The following FAXC variants were observed in gnomAD, a reference collection of about 807,000 sequenced individuals.
The protein encoded by FAXC is failed axon connections homolog.
In FAXC, 10 loss-of-function variants were observed where a neutral mutation model predicts 41.9. That is an observed-to-expected ratio of 0.24 (90% confidence interval 0.15 to 0.41). The LOEUF (loss-of-function observed/expected upper bound fraction) is 0.41. Ranked by LOEUF, FAXC falls within the 10% of genes least tolerant of loss-of-function variation. The pLI is 1.00. For missense variants in FAXC, 399 were observed against 510.9 expected, an observed-to-expected ratio of 0.78 and a Z score of 2.11; for synonymous variants, 183 against 183.8, an observed-to-expected ratio of 1.00 and a Z score of 0.03.
rs1773730570 is a variant in FAXC at position 99,349,593 on chromosome 6, C to T, written c.-221G>A. On this transcript the variant is annotated 5_prime_UTR_variant, in exon 1 of 6. Transcript: ENST00000389677. ...GGGCCTGGCCGGCGGGGCCCCAGAGCCCTGGGCGGCAGCAGCGGCCGCCGG... is the reference window on the plus strand; with the variant it reads ...GGGCCTGGCCGGCGGGGCCCCAGAGTCCTGGGCGGCAGCAGCGGCCGCCGG... 6.1e-6 allele frequency: 1 copy of T among 165,012 alleles called. No homozygotes were observed. The highest frequency in any genetic ancestry group is 1.3e-5 in the Non-Finnish European group (1 of 79,568). 10.2% of individuals were successfully genotyped at this position (165,012 alleles called of 1,614,324 possible).
intron 5 of FAXC, among the ~76,000 whole-genome samples, chr6:99,287,488 T>C (rs1771069968): frequency 6.6e-6 from 1 of 152,192 alleles, no homozygotes; most frequent in Admixed American, 6.5e-5. Flanking sequence ...TCAAAGCCTG[T>C]CCTCCTGCTC....
chr6:99,282,045 A>G (rs1770860078), intron 5 of FAXC, among the ~76,000 whole-genome samples: 1 of 152,194 alleles, frequency 6.6e-6, no homozygotes, highest in Non-Finnish European at 1.5e-5. Flanking sequence ...AGTTACATTC[A>G]GTGAGTGTGC....
At chr6:99,315,483 C>T (rs1258127580) in intron 4 of FAXC, among the ~76,000 whole-genome samples, 2 of 152,104 alleles carry the variant, frequency 1.3e-5, no homozygotes, top group Non-Finnish European at 2.9e-5. Flanking sequence ...CACCACCAAC[C>T]CTTAAGCCCC....
chr6:99,348,635 C>T (rs1773681456), intron 1 of FAXC, among the ~76,000 whole-genome samples: 1 of 152,148 alleles, frequency 6.6e-6, no homozygotes, highest in African/African-American at 2.4e-5. Flanking sequence ...AACAGGGACC[C>T]GCAGGTTTCT....
At chr6:99,307,710 G>A (rs1218717490) in intron 4 of FAXC, among the ~76,000 whole-genome samples, 2 of 152,138 alleles carry the variant, frequency 1.3e-5, no homozygotes, top group Non-Finnish European at 2.9e-5. Context: ...AATGGAAAGA[G>A]TGAGGTAACT....
At chr6:99,300,159 T>A (rs1175925944) in intron 4 of FAXC, among the ~76,000 whole-genome samples, 1 of 152,210 alleles carries the variant, frequency 6.6e-6, no homozygotes, top group Non-Finnish European at 1.5e-5. Context: ...TAATTCCTTA[T>A]GGATGAAAGC....
intron 4 of FAXC, among the ~76,000 whole-genome samples, chr6:99,296,003 C>T (rs1398863153): frequency 2.6e-5 from 4 of 152,148 alleles, no homozygotes; most frequent in East Asian, 1.9e-4. Context: ...TAGAATTCTA[C>T]TGTCCTTTCT....
At chr6:99,332,345 T>C (rs1008515822) in intron 3 of FAXC, among the ~76,000 whole-genome samples, 2 of 152,192 alleles carry the variant, frequency 1.3e-5, no homozygotes, top group Admixed American at 1.3e-4. Context: ...AGCATCTGCC[T>C]GCAGATAACA....
At position 99,334,567 on chromosome 6, in the gene FAXC, C is replaced by T. The variant is rs111238610; in HGVS notation, c.403-1020G>A. 1.8e-3 allele frequency: 1,725 copies of T among 950,460 alleles called. 22 individuals carry two copies. The African/African-American group carries it at 0.028, about 15-fold the overall frequency. 58.9% of individuals were successfully genotyped at this position (950,460 alleles called of 1,614,324 possible). On this transcript the variant is annotated intron_variant, in intron 2 of 5. Coordinates refer to ENST00000389677, the MANE Select transcript of FAXC (RefSeq NM_032511.4). Reference sequence around the variant, plus strand: ...TTCTAGAAGCTGCTAATACATCTAACATTCTTGTAATCTGTATACTAAAGA... The same window carrying T: ...TTCTAGAAGCTGCTAATACATCTAATATTCTTGTAATCTGTATACTAAAGA...
At chr6:99,343,117 G>A (rs1367503104) in intron 1 of FAXC, 84 bp from the exon 2 acceptor site, 12 of 1,238,070 alleles carry the variant, frequency 9.7e-6, no homozygotes. Context: ...ACCCTGCAGG[G>A]TTGTAGCTCC....
chr6:99,319,116 G>A (rs746390307), intron 4 of FAXC, among the ~76,000 whole-genome samples: 37 of 152,108 alleles, frequency 2.4e-4, no homozygotes, highest in Non-Finnish European at 4.3e-4. Context: ...AAGCAAACCC[G>A]GCCGGGCGCG....
intron 4 of FAXC, among the ~76,000 whole-genome samples, chr6:99,300,335 T>A (rs961389137): frequency 6.6e-6 from 1 of 152,234 alleles, no homozygotes; most frequent in African/African-American, 2.4e-5. Context: ...TGCACCAGTG[T>A]GGAAAGACTT....
At chr6:99,348,971 G>A (rs1773692323) in intron 1 of FAXC, 136 bp downstream of exon 1, 3 of 803,622 alleles carry the variant, frequency 3.7e-6, no homozygotes, top group Admixed American at 4.8e-5. Context: ...AATGCCTTTA[G>A]GGAAAGGTAA....
rs200234006 is a variant in FAXC, at chr6:99,349,416, C to T, written c.-44G>A. ...GGCGCCCCTCCCAGGGCCCGCGCCG[C>T]CCGCATGGGAAGGGGCCGGCGCGGC... On this transcript the variant is annotated 5_prime_UTR_variant, in exon 1 of 6. Coordinates refer to ENST00000389677, the MANE Select transcript of FAXC (RefSeq NM_032511.4). 3 of 1,502,296 alleles carry T rather than the reference C, an allele frequency of 2.0e-6. No individual in the cohort carries two copies. The highest frequency in any genetic ancestry group is 2.7e-6 in the Non-Finnish European group (3 of 1,130,104). 93.1% of individuals were successfully genotyped at this position (1,502,296 alleles called of 1,614,324 possible). A position where few individuals can be genotyped will look rare whatever the true frequency, so the allele number is the denominator to read the frequency against.
At chr6:99,335,007 C>T (rs1773165474) in intron 2 of FAXC, among the ~76,000 whole-genome samples, 1 of 152,146 alleles carries the variant, frequency 6.6e-6, no homozygotes, top group Non-Finnish European at 1.5e-5. Context: ...TCTGTAAAGT[C>T]CTATATCCAT....
At chr6:99,289,715 G>A (rs62423982) in intron 5 of FAXC, among the ~76,000 whole-genome samples, 253 of 130,878 alleles carry the variant, frequency 1.9e-3, no homozygotes, top group African/African-American at 7.1e-3. Flanking sequence ...GTGTGTGTGT[G>A]TGTGTATATA....
intron 4 of FAXC, among the ~76,000 whole-genome samples, chr6:99,315,119 A>C (rs1287808277): frequency 6.6e-6 from 1 of 151,284 alleles, no homozygotes; most frequent in Admixed American, 6.6e-5. Flanking sequence ...CTGTAATTTC[A>C]GCTACTTGAG....
intron 4 of FAXC, among the ~76,000 whole-genome samples, chr6:99,308,700 T>G (rs1772033530): frequency 6.6e-6 from 1 of 150,876 alleles, no homozygotes; most frequent in Non-Finnish European, 1.5e-5. Context: ...TTAAAAGAGA[T>G]AAACTTTTAA....
intron 4 of FAXC, among the ~76,000 whole-genome samples, chr6:99,293,474 T>A (rs1771327114): frequency 6.6e-6 from 1 of 152,214 alleles, no homozygotes; most frequent in Non-Finnish European, 1.5e-5. Context: ...GTTCATACAG[T>A]CCTGTGTTTA....
Sources: gnomAD v4.1 joint callset for allele counts (sites outside exome capture counted in the v4.1 genomes callset) on GRCh38, gnomAD v4.1.1 for gene constraint, MANE v1.5 for transcripts, NCBI Gene and HGNC (gene_info 2026-07-23, HGNC 2026-07-21) for gene names.